Variants in BRMS1 observed in about 807,000 individuals in gnomAD.
BRMS1 encodes BRMS1 transcriptional repressor and anoikis regulator.
In BRMS1, 26 loss-of-function variants were observed where a neutral mutation model predicts 40.4. That is an observed-to-expected ratio of 0.64 (90% CI 0.47 to 0.89). The LOEUF is 0.89. Ranked by LOEUF, BRMS1 falls within the 40% of genes least tolerant of loss-of-function variation. The pLI is 0.00. For missense variants in BRMS1, 289 were observed against 309.4 expected (o/e 0.93, Z 0.49); for synonymous variants, 103 against 116.0 (o/e 0.89, Z 0.72).
chr11:66,337,941 A>C, intron 9 of BRMS1, 52 bp from the exon 10 acceptor site: 1 of 1,573,552 alleles, frequency 6.4e-7, no homozygotes, highest in Non-Finnish European at 8.7e-7. Context: ...AGCTGAAAGG[A>C]AGGAGGCAGC....
At position 66,340,854 on chromosome 11, in the gene BRMS1, A is replaced by G; in HGVS notation, c.455T>C (p.Leu152Pro). ...CAGCTCCCCCTGCAGCGTGTCATAGAGCAGCAGCTTCTCACTCTGGAAGAG... is the reference window on the plus strand; with the variant it reads ...CAGCTCCCCCTGCAGCGTGTCATAGGGCAGCAGCTTCTCACTCTGGAAGAG... Reference protein sequence around the residue: ...KQHLESEKLLLYDTLQGELQE... With the variant: ...KQHLESEKLLPYDTLQGELQE... The change falls in exon 6 of 10, where the codon CTC becomes CCC. Residue 152 changes from leucine to proline, a missense_variant. Physicochemically the swap from Leu to Pro is moderately conservative, Grantham distance 98. Coordinates refer to ENST00000359957, the MANE Select transcript of BRMS1 (RefSeq NM_015399.4). The G allele has an allele frequency of 1.2e-6, 2 of 1,614,060 alleles. No individual in the cohort carries two copies. The highest frequency in any genetic ancestry group is 1.7e-6 in the Non-Finnish European group (2 of 1,179,998).
chr11:66,341,033 GC>G lies in BRMS1; in HGVS notation c.371del (p.Gly124AlafsTer6). On this transcript the variant is annotated frameshift_variant, in exon 5 of 10. Transcript: ENST00000359957. LOFTEE classifies it high-confidence loss of function. The surrounding 1 kb of genome is among the most constrained non-coding windows in gnomAD (Gnocchi z 4.9). Reference protein sequence around the residue: ...IRIQVAGIYKGFCLDVIRNKY... With the variant: ...IRIQVAGIYKXFCLDVIRNKY... ...TATTCCTGATCACATCCAGACAGAA[GC>G]CCTTGTAGATCCCTGCAGAGAAAGG... 6.2e-7 allele frequency: 1 copy of G among 1,614,018 alleles called. No individual in the cohort carries two copies. Among genetic ancestry groups the G allele is most frequent in the Non-Finnish European group, 8.5e-7 (1 of 1,180,016 alleles).
At chr11:66,344,711 A>C (rs943607071) in intron 1 of BRMS1, 5 of 152,332 alleles carry the variant, frequency 3.3e-5, no homozygotes, top group African/African-American at 9.6e-5. Context: ...TCAGAATGGC[A>C]GCTCCTCCGG....
chr11:66,338,374 T>TAG, intron 8 of BRMS1, 92 bp from the exon 9 acceptor site: 2 of 1,546,068 alleles, frequency 1.3e-6, no homozygotes, highest in Non-Finnish European at 1.7e-6. Context: ...TGTGGGCTGT[T>TAG]GCCTCAGTGC....
In BRMS1 at chr11:66,342,115, C is replaced by T. The variant is rs768936731; in HGVS notation, c.120G>A (p.Glu40=). ...GCTCACCGGAGCTCTCCTCTTCTGACTCTGTCTGGCTGCCGCTCCGCTCCT... is the reference window on the plus strand; with the variant it reads ...GCTCACCGGAGCTCTCCTCTTCTGATTCTGTCTGGCTGCCGCTCCGCTCCT... The part of the protein sequence containing the change: ...SEEERSGSQT[E]SEEESSEMDD... The change falls in exon 2 of 10, where the codon GAG becomes GAA. Residue 40 remains glutamate, a synonymous_variant. Transcript: ENST00000359957. The T allele has an allele frequency of 6.2e-6, 10 of 1,613,344 alleles. No individual in the cohort carries two copies. In the Admixed American group the frequency reaches 6.7e-5, roughly 11 times the overall value.
intron 7 of BRMS1, 156 bp downstream of exon 7, chr11:66,339,965 A>G (rs1008967322): frequency 1.7e-5 from 10 of 603,336 alleles, no homozygotes; most frequent in Non-Finnish European, 3.0e-5. Flanking sequence ...GAAACTGCTG[A>G]CAGCTGGATT....
chr11:66,338,109 G>A, intron 9 of BRMS1, 134 bp downstream of exon 9: 1 of 1,330,394 alleles, frequency 7.5e-7, no homozygotes, highest in Non-Finnish European at 1.0e-6. Flanking sequence ...CTCAAATCTA[G>A]ACCATCCTAA....
At chr11:66,339,992 CAT>C in intron 7 of BRMS1, 127 bp downstream of exon 7, 1 of 700,674 alleles carries the variant, frequency 1.4e-6, no homozygotes, top group Non-Finnish European at 2.5e-6. Flanking sequence ...GACATATTCA[CAT>C]GACACCAAGC....
chr11:66,342,341 G>T, intron 1 of BRMS1, 100 bp from the exon 2 acceptor site: 1 of 1,499,510 alleles, frequency 6.7e-7, no homozygotes, highest in Non-Finnish European at 9.0e-7. Flanking sequence ...GATGGGGAAA[G>T]CCAGGGAAGT....
intron 6 of BRMS1, among the ~76,000 whole-genome samples, chr11:66,340,455 A>G (rs896188536): frequency 7.9e-5 from 12 of 152,132 alleles, no homozygotes; most frequent in African/African-American, 2.7e-4. Context: ...GATGACGACA[A>G]TTCCTGCCAC....
chr11:66,337,787 G>A lies in BRMS1; in HGVS notation c.*95C>T, dbSNP rs373156526. ...AGGAGCCTGGCTGGGCAGACCCTGA[G>A]GGGCCTGTGGGTCCGCCTGTCTGCA... On this transcript the variant is annotated 3_prime_UTR_variant, in exon 10 of 10. Transcript: ENST00000359957. The A allele has an allele frequency of 9.3e-6, 15 of 1,613,766 alleles. No individual in the cohort carries two copies. The highest frequency in any genetic ancestry group is 8.5e-7 in the Non-Finnish European group (1 of 1,179,906).
At chr11:66,340,341 G>C (rs1385659800) in intron 6 of BRMS1, 128 bp from the exon 7 acceptor site, 1 of 743,330 alleles carries the variant, frequency 1.3e-6, no homozygotes, top group Non-Finnish European at 2.2e-6. Context: ...CTGGGCTTGG[G>C]GTAGAAGCCC....
Position 66,340,761 on chromosome 11 carries a change from C to G in BRMS1, c.535+13G>C, listed in dbSNP as rs199827924. ...GGGGCCCAGTTCCGGGGTGCCCAGG[C>G]TCTCGCGCTTACCAGAGCTGAGGTC... On this transcript the variant is annotated intron_variant, in intron 6 of 9. Coordinates refer to ENST00000359957, the MANE Select transcript of BRMS1 (RefSeq NM_015399.4). The G allele has an allele frequency of 6.2e-7, 1 of 1,605,992 alleles. No individual in the cohort carries two copies. The highest frequency in any genetic ancestry group is 8.5e-7 in the Non-Finnish European group (1 of 1,178,244).
At position 66,341,573 on chromosome 11, in the gene BRMS1, TCTCA is replaced by T. The variant is rs1468505278; in HGVS notation, c.186_189del (p.Ser62ArgfsTer5). The T allele has an allele frequency of 3.1e-6, 5 of 1,614,012 alleles. No homozygotes were observed. In the East Asian group the frequency reaches 1.1e-4, roughly 36 times the overall value. ...GAGAACTGCTTCTCTAGGTCCAGCA[TCTCA>T]CTGACACACTCGCTGCGGCGTCGCT... On this transcript the variant is annotated frameshift_variant, in exon 3 of 10. Coordinates refer to ENST00000359957, the MANE Select transcript of BRMS1 (RefSeq NM_015399.4). LOFTEE classifies it high-confidence loss of function. The surrounding 1 kb of genome is among the most constrained non-coding windows in gnomAD (Gnocchi z 4.9).
intron 7 of BRMS1, 39 bp downstream of exon 7, chr11:66,340,082 A>C (rs1421101858): frequency 6.3e-7 from 1 of 1,584,282 alleles, no homozygotes; most frequent in Non-Finnish European, 8.7e-7. Flanking sequence ...TGACCCTTAC[A>C]TCCTGCCCAC....
chr11:66,337,674 C>A lies in BRMS1; in HGVS notation c.*208G>T. ...GCAGCCTTGCCTGGTCAGGTCAGCTCCACGGCCACAGCTGTGCAGGCCTCG... is the reference window on the plus strand; with the variant it reads ...GCAGCCTTGCCTGGTCAGGTCAGCTACACGGCCACAGCTGTGCAGGCCTCG... On this transcript the variant is annotated 3_prime_UTR_variant, in exon 10 of 10. Transcript: ENST00000359957. The A allele has an allele frequency of 6.4e-7, 1 of 1,568,642 alleles. No individual in the cohort carries two copies. The highest frequency in any genetic ancestry group is 2.4e-5 in the East Asian group (1 of 42,242).
chr11:66,338,614 G>A (rs1478865824), intron 8 of BRMS1, 107 bp downstream of exon 8: 1 of 1,591,352 alleles, frequency 6.3e-7, no homozygotes. Flanking sequence ...CTGAAGATGG[G>A]GAAGCCTTGG....
chr11:66,338,605 T>C, intron 8 of BRMS1, 116 bp downstream of exon 8: 1 of 1,582,422 alleles, frequency 6.3e-7, no homozygotes, highest in Non-Finnish European at 8.6e-7. Flanking sequence ...GACTCTGGGC[T>C]GAAGATGGGG....
rs547533348 is a variant in BRMS1 at position 66,341,420 on chromosome 11, C to T, written c.231-87G>A. 2 of 1,603,264 alleles carry T rather than the reference C, an allele frequency of 1.2e-6. No homozygotes were observed. Among genetic ancestry groups the T allele is most frequent in the African/African-American group, 1.3e-5 (1 of 74,878 alleles). On this transcript the variant is annotated intron_variant, in intron 3 of 9. Coordinates refer to ENST00000359957, the MANE Select transcript of BRMS1 (RefSeq NM_015399.4). The surrounding 1 kb of genome is among the most constrained non-coding windows in gnomAD (Gnocchi z 4.9). The stretch of plus-strand genomic sequence containing the variant: ...TACCCAGCACCCATTCCACAGCAAG[C>T]CCGGTGTTAGGCGCGCACTTCCTGG...
Sources: allele counts gnomAD v4.1 joint callset (sites outside exome capture counted in the v4.1 genomes callset), GRCh38; gene constraint gnomAD v4.1.1; non-coding constraint Gnocchi (gnomAD v3.1); transcripts MANE v1.5; gene names NCBI Gene and HGNC (gene_info 2026-07-23, HGNC 2026-07-21).